Variants in ZNF277 observed in about 807,000 individuals in gnomAD.
ZNF277 encodes zinc finger protein 277, also known as nuclear receptor-interacting factor 4.
ZNF277 carries 55 observed loss-of-function variants against 60.7 expected under a neutral mutation model. The observed-to-expected ratio is 0.91, with a 90% CI of 0.73 to 1.13. The LOEUF (loss-of-function observed/expected upper bound fraction) is 1.13, where lower values mean the gene tolerates loss of function less well. Among genes scored for constraint, ZNF277 ranks in the 50% most tolerant of loss-of-function variants. The probability of loss-of-function intolerance (pLI) is 0.00; values close to 1 mark genes in which losing one functional copy is unlikely to be tolerated. For synonymous variants in ZNF277, 178 were observed against 179.3 expected (o/e 0.99, Z 0.06); for missense variants, 510 against 523.0 (o/e 0.98, Z 0.24).
At position 112,343,012 on chromosome 7, in the gene ZNF277, A is replaced by G; in HGVS notation, c.*283A>G. The G allele has an allele frequency of 4.9e-6, 1 of 202,390 alleles. No individual in the cohort carries two copies. The highest frequency in any genetic ancestry group is 1.8e-3 in the Middle Eastern group (1 of 560). 12.5% of individuals were successfully genotyped at this position (202,390 alleles called of 1,614,324 possible). ...ATCTTAAATTATCTCACTTCATTAA[A>G]CTCATAATTATATATAGAAGTATAT... On this transcript the variant is annotated 3_prime_UTR_variant, in exon 12 of 12. Transcript: ENST00000361822.
At chr7:112,245,405 T>A (rs1034276094) in intron 1 of ZNF277, among the ~76,000 whole-genome samples, 2 of 152,186 alleles carry the variant, frequency 1.3e-5, no homozygotes, top group African/African-American at 4.8e-5. Context: ...TTCTCATGTC[T>A]TTTCTAGGCC....
chr7:112,211,184 G>C (rs1043206397), intron 1 of ZNF277, among the ~76,000 whole-genome samples: 2 of 152,156 alleles, frequency 1.3e-5, no homozygotes, highest in African/African-American at 2.4e-5. Flanking sequence ...AAGAGGGAAG[G>C]GTAGCAGGTG....
intron 1 of ZNF277, among the ~76,000 whole-genome samples, chr7:112,243,738 CA>C (rs1225565068): frequency 6.6e-6 from 1 of 151,940 alleles, no homozygotes; most frequent in African/African-American, 2.4e-5. Context: ...TTATGGAAAA[CA>C]TTTGAACATT....
At chr7:112,271,363 T>G (rs1791665622) in intron 1 of ZNF277, among the ~76,000 whole-genome samples, 1 of 152,214 alleles carries the variant, frequency 6.6e-6, no homozygotes, top group South Asian at 2.1e-4. Context: ...TGAAGTCAAG[T>G]GATCTTTCTG....
chr7:112,211,148 A>G (rs1056759796), intron 1 of ZNF277, among the ~76,000 whole-genome samples: 6 of 152,226 alleles, frequency 3.9e-5, no homozygotes, highest in Non-Finnish European at 8.8e-5. Flanking sequence ...AGAACTTACT[A>G]TCTCATGTGT....
intron 1 of ZNF277, among the ~76,000 whole-genome samples, chr7:112,267,210 T>A (rs1791568623): frequency 6.6e-6 from 1 of 152,228 alleles, no homozygotes; most frequent in Admixed American, 6.5e-5. Flanking sequence ...TATTCTTATG[T>A]ATATTGGATA....
intron 1 of ZNF277, among the ~76,000 whole-genome samples, chr7:112,215,818 G>A (rs1821864664): frequency 1.3e-5 from 2 of 152,152 alleles, no homozygotes; most frequent in South Asian, 4.1e-4. Context: ...TCCAAATAGA[G>A]AGGTTTGTTT....
intron 7 of ZNF277, among the ~76,000 whole-genome samples, chr7:112,333,936 C>T (rs190498119): frequency 6.6e-6 from 1 of 152,278 alleles, no homozygotes; most frequent in Admixed American, 6.5e-5. Context: ...GAGGCTTCAG[C>T]TACATATTCC....
At chr7:112,252,326 A>G (rs973542995) in intron 1 of ZNF277, among the ~76,000 whole-genome samples, 9 of 152,200 alleles carry the variant, frequency 5.9e-5, no homozygotes, top group African/African-American at 2.2e-4. Context: ...CTGAGAATAA[A>G]GTGCCTTTGT....
chr7:112,259,016 T>C (rs1010712336), intron 1 of ZNF277, among the ~76,000 whole-genome samples: 11 of 152,174 alleles, frequency 7.2e-5, no homozygotes, highest in African/African-American at 2.7e-4. Context: ...GATACCCATG[T>C]CACTTTGCAA....
intron 4 of ZNF277, among the ~76,000 whole-genome samples, chr7:112,301,908 A>C (rs1488098205): frequency 6.6e-6 from 1 of 152,152 alleles, no homozygotes; most frequent in Non-Finnish European, 1.5e-5. Context: ...CATATAGTCA[A>C]ATATCCCTGA....
At chr7:112,277,054 A>G (rs1180407134) in intron 1 of ZNF277, among the ~76,000 whole-genome samples, 1 of 151,078 alleles carries the variant, frequency 6.6e-6, no homozygotes, top group Non-Finnish European at 1.5e-5. Context: ...ATGGGTCCCC[A>G]GAACCCTTTT....
At chr7:112,255,815 C>T (rs1791295848) in intron 1 of ZNF277, among the ~76,000 whole-genome samples, 1 of 152,110 alleles carries the variant, frequency 6.6e-6, no homozygotes, top group Non-Finnish European at 1.5e-5. Context: ...CAGTCTCTGC[C>T]TTCCTTCCGT....
At chr7:112,269,369 G>A (rs1163395267) in intron 1 of ZNF277, among the ~76,000 whole-genome samples, 6 of 151,960 alleles carry the variant, frequency 3.9e-5, no homozygotes, top group Non-Finnish European at 8.8e-5. Context: ...TTATCTCACT[G>A]TATGGCATTT....
intron 1 of ZNF277, among the ~76,000 whole-genome samples, chr7:112,218,959 T>G (rs1821957291): frequency 6.6e-6 from 1 of 152,212 alleles, no homozygotes; most frequent in Non-Finnish European, 1.5e-5. Flanking sequence ...GCACACTGAT[T>G]TCATTTTCTT....
chr7:112,292,582 C>T (rs555759388), intron 2 of ZNF277, among the ~76,000 whole-genome samples: 1 of 152,232 alleles, frequency 6.6e-6, no homozygotes, highest in East Asian at 1.9e-4. Context: ...TTTCCTGTCC[C>T]TGCCTTCCCT....
At chr7:112,248,346 A>ATT (rs897252402) in intron 1 of ZNF277, among the ~76,000 whole-genome samples, 50 of 144,086 alleles carry the variant, frequency 3.5e-4, no homozygotes, top group African/African-American at 1.1e-3. Context: ...GGTTGGTTTT[A>ATT]TTTTTTTTTT....
chr7:112,305,285 G>A (rs912056999), intron 4 of ZNF277, among the ~76,000 whole-genome samples: 47 of 151,966 alleles, frequency 3.1e-4, no homozygotes, highest in African/African-American at 1.0e-3. Flanking sequence ...GAGTTTTTGG[G>A]GAAGATGAGC....
chr7:112,223,911 T>C (rs983390210), intron 1 of ZNF277, among the ~76,000 whole-genome samples: 3 of 152,218 alleles, frequency 2.0e-5, no homozygotes, highest in Admixed American at 6.5e-5. Flanking sequence ...AGTCAGAGCA[T>C]AGCTGACTCC....
Sources: gnomAD v4.1 joint callset for allele counts (sites outside exome capture counted in the v4.1 genomes callset) on GRCh38, gnomAD v4.1.1 for gene constraint, MANE v1.5 for transcripts, NCBI Gene and HGNC (gene_info 2026-07-23, HGNC 2026-07-21) for gene names.